The following TBC1D24 variants were observed in gnomAD, a reference collection of about 807,000 sequenced individuals.
The protein encoded by TBC1D24 is TBC1 domain family member 24.
A neutral mutation model predicts 50.7 loss-of-function variants in TBC1D24; 47 were observed. The observed-to-expected ratio is 0.93, with a 90% CI of 0.73 to 1.18. TBC1D24 has a LOEUF of 1.18. Ranked by LOEUF, TBC1D24 falls within the 50% of genes most tolerant of loss-of-function variation. The pLI is 0.00. For synonymous variants in TBC1D24, 324 were observed against 335.2 expected (o/e 0.97, Z 0.36); for missense variants, 688 against 766.5 (o/e 0.90, Z 1.21).
chr16:2,496,133 C>A lies in TBC1D24; in HGVS notation c.-16C>A. 6.2e-7 allele frequency: 1 copy of A among 1,613,506 alleles called. No individual in the cohort carries two copies. The highest frequency in any genetic ancestry group is 1.1e-5 in the South Asian group (1 of 90,932). On this transcript the variant is annotated 5_prime_UTR_variant, in exon 2 of 8. Coordinates refer to ENST00000646147, the MANE Select transcript of TBC1D24 (RefSeq NM_001199107.2). ...CTTCCGGCAGTCCAGGGCCTCCTCC[C>A]GAGCACAGCGGCGCTATGGACTCTC...
intron 1 of TBC1D24, among the ~76,000 whole-genome samples, chr16:2,492,434 C>T (rs986114590): frequency 1.3e-5 from 2 of 152,084 alleles, no homozygotes; most frequent in Non-Finnish European, 2.9e-5. Context: ...TGGGGCCAGC[C>T]GAGTGGAGGC....
intron 1 of TBC1D24, among the ~76,000 whole-genome samples, chr16:2,494,063 C>T (rs553540598): frequency 1.2e-4 from 19 of 152,292 alleles, no homozygotes; most frequent in Non-Finnish European, 2.1e-4. Context: ...TTCAGAATTC[C>T]GACAGGGTGG....
rs1416213777 is a variant in TBC1D24, at chr16:2,503,122, G to A, written c.*2164G>A. On this transcript the variant is annotated 3_prime_UTR_variant, in exon 8 of 8. Transcript: ENST00000646147. ...GCGAGTTAAGTCCAGCAGGTTCTGC[G>A]TGGCTGCCCCCAGGGGGCCCCACCC... is the stretch of plus-strand genomic sequence containing the variant. 1 of 152,236 alleles carries A rather than the reference G, an allele frequency of 6.6e-6. No individual in the cohort carries two copies. 9.4% of individuals were successfully genotyped at this position (152,236 alleles called of 1,614,324 possible).
rs1460370144 is a variant in TBC1D24 at position 2,500,108 on chromosome 16, G to A, written c.1303-160G>A. 6.6e-6 allele frequency among the ~76,000 whole-genome samples: 1 copy of A among 152,156 alleles called. No homozygotes were observed. Among genetic ancestry groups the A allele is most frequent in the African/African-American group, 2.4e-5 (1 of 41,436 alleles). The stretch of plus-strand genomic sequence containing the variant: ...AGCCGTGCGCTGCTCCGGGGCAGGG[G>A]GCTTCATCTGCTCGAGCCACCAGCT... On this transcript the variant is annotated intron_variant, in intron 6 of 7. Transcript: ENST00000646147. The surrounding 1 kb of genome is among the most constrained non-coding windows in gnomAD (Gnocchi z 8.0).
At chr16:2,478,309 A>C (rs2065584378) in intron 1 of TBC1D24, 1 of 152,222 alleles carries the variant, frequency 6.6e-6, no homozygotes, top group South Asian at 2.1e-4. Context: ...CTGTTTCAGA[A>C]GAAAAAAGAG....
chr16:2,494,276 G>C (rs2065719156), intron 1 of TBC1D24, among the ~76,000 whole-genome samples: 1 of 152,132 alleles, frequency 6.6e-6, no homozygotes, highest in Non-Finnish European at 1.5e-5. Flanking sequence ...GCTGGGTGTG[G>C]TGGCGGGTGC....
chr16:2,476,490 C>G (rs1464762920), intron 1 of TBC1D24: 2 of 152,234 alleles, frequency 1.3e-5, no homozygotes, highest in Non-Finnish European at 2.9e-5. Flanking sequence ...TGGCGTGACC[C>G]CTGCGTGCAC....
rs985270408 is a variant in TBC1D24, at chr16:2,487,128, G to T, written c.-115-8906G>T. 1.3e-5 allele frequency among the ~76,000 whole-genome samples: 2 copies of T among 152,218 alleles called. No homozygotes were observed. Among genetic ancestry groups the T allele is most frequent in the South Asian group, 4.1e-4 (2 of 4,830 alleles). ...TGCCAGGGCCGCCCAGCTCGCCTTC[G>T]CCCACTCTTGCCTCCACATCTGAGG... On this transcript the variant is annotated intron_variant, in intron 1 of 7. Transcript: ENST00000646147. This position sits in a 1 kb window ranked among gnomAD's most constrained non-coding sequence, Gnocchi z 4.1.
In TBC1D24 at chr16:2,486,299, C is replaced by T. The variant is rs572161718; in HGVS notation, c.-115-9735C>T. On this transcript the variant is annotated intron_variant, in intron 1 of 7. Transcript: ENST00000646147. The surrounding 1 kb of genome is among the most constrained non-coding windows in gnomAD (Gnocchi z 5.8). ...GTTGGCGTTCCCCACCCATGGGGCC[C>T]GGCCTCATTTCCTCTTCCTCTTCAT... Among the ~76,000 whole-genome samples the T allele has an allele frequency of 2.6e-5, 4 of 152,346 alleles. No individual in the cohort carries two copies. Among genetic ancestry groups the T allele is most frequent in the African/African-American group, 7.2e-5 (3 of 41,582 alleles).
At position 2,486,317 on chromosome 16, in the gene TBC1D24, C is replaced by T. The variant is rs946848229; in HGVS notation, c.-115-9717C>T. 6.6e-6 allele frequency among the ~76,000 whole-genome samples: 1 copy of T among 152,228 alleles called. No individual in the cohort carries two copies. Among genetic ancestry groups the T allele is most frequent in the Non-Finnish European group, 1.5e-5 (1 of 68,038 alleles). Reference sequence around the variant, plus strand: ...TGGGGCCCGGCCTCATTTCCTCTTCCTCTTCATTCCCGGTCCCACTCCCAG... The same window carrying T: ...TGGGGCCCGGCCTCATTTCCTCTTCTTCTTCATTCCCGGTCCCACTCCCAG... On this transcript the variant is annotated intron_variant, in intron 1 of 7. Transcript: ENST00000646147. This position sits in a 1 kb window ranked among gnomAD's most constrained non-coding sequence, Gnocchi z 5.8.
intron 1 of TBC1D24, among the ~76,000 whole-genome samples, chr16:2,494,029 G>A (rs1477322394): frequency 6.6e-6 from 1 of 151,912 alleles, no homozygotes; most frequent in Non-Finnish European, 1.5e-5. Flanking sequence ...TCAAGCTGGT[G>A]GTTTTAGAAA....
chr16:2,500,746 G>C lies in TBC1D24; in HGVS notation c.1526-58G>C. The C allele has an allele frequency of 1.3e-6, 2 of 1,555,422 alleles. No homozygotes were observed. The highest frequency in any genetic ancestry group is 1.7e-6 in the Non-Finnish European group (2 of 1,155,502). ...CAGGACAGCTGGGACAGCAGGTGAG[G>C]TGCCTGGGTCAGTGCTGATAGGGCA... On this transcript the variant is annotated intron_variant, in intron 7 of 7. Coordinates refer to ENST00000646147, the MANE Select transcript of TBC1D24 (RefSeq NM_001199107.2). This position sits in a 1 kb window ranked among gnomAD's most constrained non-coding sequence, Gnocchi z 8.0.
At position 2,486,452 on chromosome 16, in the gene TBC1D24, C is replaced by T. The variant is rs932523278; in HGVS notation, c.-115-9582C>T. Among the ~76,000 whole-genome samples, 3 of 152,174 alleles carry T rather than the reference C, an allele frequency of 2.0e-5. No individual in the cohort carries two copies. Among genetic ancestry groups the T allele is most frequent in the African/African-American group, 4.8e-5 (2 of 41,430 alleles). ...ACTGAGGTCCAGCCACACAGAACCCCGCGTCCTTGATAGCTTGTCAGCTGC... is the reference window on the plus strand; with the variant it reads ...ACTGAGGTCCAGCCACACAGAACCCTGCGTCCTTGATAGCTTGTCAGCTGC... On this transcript the variant is annotated intron_variant, in intron 1 of 7. Transcript: ENST00000646147. The surrounding 1 kb of genome is among the most constrained non-coding windows in gnomAD (Gnocchi z 5.8).
chr16:2,500,719 G>T lies in TBC1D24; in HGVS notation c.1526-85G>T. 1.3e-6 allele frequency: 2 copies of T among 1,512,678 alleles called. No individual in the cohort carries two copies. Among genetic ancestry groups the T allele is most frequent in the African/African-American group, 2.7e-5 (2 of 73,062 alleles). The allele number at this position is 1,512,678 out of a possible 1,614,324, so 93.7% of individuals were successfully genotyped here. A position where few individuals can be genotyped will look rare whatever the true frequency, so the allele number is the denominator to read the frequency against. ...TGCGGTTTCAGAGAGGCCCGTGCAGGGCAGGACAGCTGGGACAGCAGGTGA... is the reference window on the plus strand; with the variant it reads ...TGCGGTTTCAGAGAGGCCCGTGCAGTGCAGGACAGCTGGGACAGCAGGTGA... On this transcript the variant is annotated intron_variant, in intron 7 of 7. Coordinates refer to ENST00000646147, the MANE Select transcript of TBC1D24 (RefSeq NM_001199107.2). This position sits in a 1 kb window ranked among gnomAD's most constrained non-coding sequence, Gnocchi z 8.0.
chr16:2,494,914 G>A (rs903400900), intron 1 of TBC1D24, among the ~76,000 whole-genome samples: 3 of 151,940 alleles, frequency 2.0e-5, no homozygotes, highest in Non-Finnish European at 4.4e-5. Flanking sequence ...GCTGCGCAAC[G>A]TGACTCTCAC....
chr16:2,499,370 T>A lies in TBC1D24; in HGVS notation c.1156T>A (p.Cys386Ser), dbSNP rs1250984697. The A allele has an allele frequency of 1.9e-6, 3 of 1,613,266 alleles. No homozygotes were observed. In the South Asian group the frequency reaches 3.3e-5, roughly 18 times the overall value. Residue 386 changes from cysteine (C) to serine (S), a missense_variant, in exon 5 of 8, where the codon TGT (cysteine) becomes AGT (serine). Transcript: ENST00000646147. The surrounding 1 kb of genome is among the most constrained non-coding windows in gnomAD (Gnocchi z 4.0). ...TCTCTACGCCAGGTTCTACTTCCAGTGTGAAGGACATGAGCCTACCCTCTT... is the reference window on the plus strand; with the variant it reads ...TCTCTACGCCAGGTTCTACTTCCAGAGTGAAGGACATGAGCCTACCCTCTT... ...GYSLARFYFQ[C>S]EGHEPTLLLI...
chr16:2,496,479 G>C lies in TBC1D24; in HGVS notation c.331G>C (p.Glu111Gln), dbSNP rs773211471. Residue 111 changes from glutamate (E) to glutamine (Q), a missense_variant, in exon 2 of 8, where the codon GAG becomes CAG. Transcript: ENST00000646147. ...CAGCTACTGCCTGAATGCACGCGGCGAGGGGGCCGTGCGCAAGATCCTCCT... is the reference window on the plus strand; with the variant it reads ...CAGCTACTGCCTGAATGCACGCGGCCAGGGGGCCGTGCGCAAGATCCTCCT... Reference protein sequence around the residue: ...VPSYCLNARGEGAVRKILLCL... With the variant: ...VPSYCLNARGQGAVRKILLCL... The C allele has an allele frequency of 1.9e-6, 3 of 1,610,710 alleles. No homozygotes were observed. The highest frequency in any genetic ancestry group is 3.3e-5 in the Admixed American group (2 of 59,998).
rs73490287 is a variant in TBC1D24 at position 2,499,351 on chromosome 16, C to T, written c.1143-6C>T. ...GTGACAGCTGGCATGCGTGTCTCTA[C>T]GCCAGGTTCTACTTCCAGTGTGAAG... On this transcript the variant is annotated splice_polypyrimidine_tract_variant and splice_region_variant and intron_variant, in intron 4 of 7. Transcript: ENST00000646147. This position sits in a 1 kb window ranked among gnomAD's most constrained non-coding sequence, Gnocchi z 4.0. The T allele has an allele frequency of 3.7e-3, 5,926 of 1,612,266 alleles. 178 individuals are homozygous for T. The African/African-American group carries it at 0.066, about 18-fold the overall frequency.
chr16:2,491,048 G>C (rs527725706), intron 1 of TBC1D24, among the ~76,000 whole-genome samples: 1 of 152,310 alleles, frequency 6.6e-6, no homozygotes, highest in East Asian at 1.9e-4. Context: ...TCCAGCCTGG[G>C]ATAGTTTATG....
Sources: gnomAD v4.1 joint callset for allele counts (sites outside exome capture counted in the v4.1 genomes callset) on GRCh38, gnomAD v4.1.1 for gene constraint, Gnocchi (gnomAD v3.1) non-coding constraint, MANE v1.5 for transcripts, NCBI Gene and HGNC (gene_info 2026-07-23, HGNC 2026-07-21) for gene names.